The following FRMD4A variants were observed in gnomAD, a reference collection of about 807,000 sequenced individuals.
FRMD4A encodes FERM domain containing 4A, also known as FERM domain-containing protein 4A.
Under a neutral mutation model 129.1 loss-of-function variants are expected in FRMD4A, and 29 were observed. The observed-to-expected ratio is 0.22, with a 90% CI of 0.17 to 0.31. The LOEUF (loss-of-function observed/expected upper bound fraction) is 0.31. Ranked by LOEUF, FRMD4A falls within the 10% of genes least tolerant of loss-of-function variation. FRMD4A has a pLI of 1.00. For missense variants in FRMD4A, 1,272 were observed against 1,375.8 expected (o/e 0.92, Z 1.19); for synonymous variants, 634 against 571.6 (o/e 1.11, Z -1.56).
chr10:14,208,376 T>G (rs1250368327), intron 2 of FRMD4A, among the ~76,000 whole-genome samples: 4 of 152,120 alleles, frequency 2.6e-5, no homozygotes, highest in Non-Finnish European at 5.9e-5. Context: ...CTGTCCTCTC[T>G]GTCACAGAAA....
chr10:13,801,207 G>A (rs1195826155), intron 4 of FRMD4A, among the ~76,000 whole-genome samples: 1 of 152,132 alleles, frequency 6.6e-6, no homozygotes, highest in Non-Finnish European at 1.5e-5. Flanking sequence ...AGATTGCACC[G>A]CTGCACTTCA....
At chr10:14,032,835 T>C (rs939375309) in intron 2 of FRMD4A, among the ~76,000 whole-genome samples, 1 of 152,162 alleles carries the variant, frequency 6.6e-6, no homozygotes, top group African/African-American at 2.4e-5. Flanking sequence ...TGAGTGTGTT[T>C]GTGTCTTTGA....
intron 2 of FRMD4A, among the ~76,000 whole-genome samples, chr10:13,904,955 T>G (rs2698134): frequency 0.93 from 137,430 of 147,090 alleles, 64,667 homozygotes; most frequent in Non-Finnish European, 1. Context: ...ATTGTGCCAC[T>G]GCACTCCAGC....
At chr10:13,747,288 T>G (rs1206101051) in intron 9 of FRMD4A, among the ~76,000 whole-genome samples, 1 of 151,872 alleles carries the variant, frequency 6.6e-6, no homozygotes, top group African/African-American at 2.4e-5. Flanking sequence ...ATCCCAGCAC[T>G]TTGGGAGGCC....
chr10:14,124,500 A>C (rs1028736809), intron 2 of FRMD4A, among the ~76,000 whole-genome samples: 3 of 152,040 alleles, frequency 2.0e-5, no homozygotes, highest in Non-Finnish European at 2.9e-5. Flanking sequence ...ATATGGTGAA[A>C]CCTCATCTCT....
At chr10:13,673,751 AG>A (rs1273822442) in intron 16 of FRMD4A, among the ~76,000 whole-genome samples, 2 of 147,322 alleles carry the variant, frequency 1.4e-5, no homozygotes, top group Non-Finnish European at 3.0e-5. Flanking sequence ...GCACATACAT[AG>A]GGTCGAGAAA....
chr10:14,133,760 CAA>C (rs995147384), intron 2 of FRMD4A, among the ~76,000 whole-genome samples: 7 of 152,334 alleles, frequency 4.6e-5, no homozygotes, highest in Admixed American at 2.6e-4. Context: ...TTCTTCTCCA[CAA>C]AGACTTGGAG....
At chr10:14,276,790 C>T (rs1399006811) in intron 2 of FRMD4A, among the ~76,000 whole-genome samples, 2 of 152,182 alleles carry the variant, frequency 1.3e-5, no homozygotes, top group Admixed American at 6.5e-5. Context: ...GTTCTTTATG[C>T]CCCACACTAC....
chr10:13,777,995 A>G (rs916747335), intron 6 of FRMD4A, among the ~76,000 whole-genome samples: 2 of 151,694 alleles, frequency 1.3e-5, no homozygotes, highest in African/African-American at 4.8e-5. Context: ...TAGAGATGGC[A>G]TCTCACCATG....
intron 12 of FRMD4A, among the ~76,000 whole-genome samples, chr10:13,737,353 G>C (rs1317080830): frequency 6.6e-6 from 1 of 152,180 alleles, no homozygotes; most frequent in Non-Finnish European, 1.5e-5. Flanking sequence ...GGCTCCCAAA[G>C]TGCTAGGATT....
At chr10:14,078,467 G>A (rs991420082) in intron 2 of FRMD4A, among the ~76,000 whole-genome samples, 2 of 152,220 alleles carry the variant, frequency 1.3e-5, no homozygotes, top group African/African-American at 4.8e-5. Context: ...TTAAAGGGAA[G>A]CTTCTTCCCG....
intron 2 of FRMD4A, among the ~76,000 whole-genome samples, chr10:14,149,309 C>T (rs1329163950): frequency 1.3e-5 from 2 of 152,006 alleles, no homozygotes; most frequent in Non-Finnish European, 2.9e-5. Context: ...TTGATGAAAA[C>T]GTCTTTTAAA....
At chr10:14,196,164 T>C (rs12257011) in intron 2 of FRMD4A, among the ~76,000 whole-genome samples, 4 of 149,476 alleles carry the variant, frequency 2.7e-5, no homozygotes, top group South Asian at 2.1e-4. Context: ...TGCACACACA[T>C]ACACACACAC....
intron 3 of FRMD4A, among the ~76,000 whole-genome samples, chr10:13,852,052 C>T (rs1242169748): frequency 6.6e-6 from 1 of 151,752 alleles, no homozygotes; most frequent in Non-Finnish European, 1.5e-5. Flanking sequence ...ATGTAGTAAT[C>T]ATGGAAATAA....
chr10:14,015,390 CT>C (rs2095695976), intron 2 of FRMD4A, among the ~76,000 whole-genome samples: 1 of 149,046 alleles, frequency 6.7e-6, no homozygotes, highest in Non-Finnish European at 1.5e-5. Context: ...TTCTCTTCCC[CT>C]CCCCTCGCCT....
intron 2 of FRMD4A, among the ~76,000 whole-genome samples, chr10:13,894,253 C>G (rs960792340): frequency 9.2e-5 from 14 of 152,204 alleles, no homozygotes; most frequent in Non-Finnish European, 4.4e-5. Context: ...GATGCATTCT[C>G]CACTCCAGCT....
chr10:14,272,359 CA>C (rs1162160317), intron 2 of FRMD4A, among the ~76,000 whole-genome samples: 2 of 152,246 alleles, frequency 1.3e-5, no homozygotes, highest in East Asian at 3.9e-4. Flanking sequence ...CCAGGTAGTC[CA>C]GGGGTGCACA....
intron 2 of FRMD4A, among the ~76,000 whole-genome samples, chr10:14,157,920 G>A (rs552217995): frequency 2.6e-5 from 4 of 152,158 alleles, no homozygotes. Flanking sequence ...AACTTCTGGG[G>A]ACAATAGAAT....
At chr10:14,227,804 C>T (rs1163425810) in intron 2 of FRMD4A, among the ~76,000 whole-genome samples, 2 of 152,134 alleles carry the variant, frequency 1.3e-5, no homozygotes, top group Admixed American at 6.5e-5. Flanking sequence ...TAGGTGTTGA[C>T]CAGCATTGCT....
Sources: allele counts gnomAD v4.1 joint callset (sites outside exome capture counted in the v4.1 genomes callset), GRCh38; gene constraint gnomAD v4.1.1; transcripts MANE v1.5; gene names NCBI Gene and HGNC (gene_info 2026-07-23, HGNC 2026-07-21).